The following COP1 variants were observed in gnomAD, a reference collection of about 807,000 sequenced individuals.
The protein encoded by COP1 is COP1 E3 ubiquitin ligase, also known as E3 ubiquitin-protein ligase COP1.
Under a neutral mutation model 101.3 loss-of-function variants are expected in COP1, and 24 were observed. That is an observed-to-expected ratio of 0.24 (90% CI 0.17 to 0.33). COP1 has a LOEUF of 0.33. Among genes scored for constraint, COP1 ranks in the 10% least tolerant of loss-of-function variants. The pLI is 1.00. For synonymous variants in COP1, 347 were observed against 341.9 expected (o/e 1.01, Z -0.17); for missense variants, 663 against 906.2 (o/e 0.73, Z 3.45).
intron 8 of COP1, among the ~76,000 whole-genome samples, chr1:176,130,125 T>C (rs985463989): frequency 1.3e-5 from 2 of 151,696 alleles, no homozygotes; most frequent in African/African-American, 2.4e-5. Flanking sequence ...GGTCTAAGTA[T>C]GTTTCAATAT....
At chr1:176,151,583 T>G (rs1002979035) in intron 5 of COP1, among the ~76,000 whole-genome samples, 7 of 152,134 alleles carry the variant, frequency 4.6e-5, no homozygotes, top group African/African-American at 1.7e-4. Context: ...TTCTTTATTT[T>G]CCTACCCTTC....
At chr1:176,121,728 T>G (rs1687150384) in intron 8 of COP1, among the ~76,000 whole-genome samples, 1 of 152,184 alleles carries the variant, frequency 6.6e-6, no homozygotes, top group South Asian at 2.1e-4. Context: ...ATTGCCTGTT[T>G]AGAAACAGAC....
At position 175,972,745 on chromosome 1, in the gene COP1, T is replaced by C. The variant is rs1453897593; in HGVS notation, c.2133+14198A>G. On this transcript the variant is annotated intron_variant, in intron 18 of 19. Coordinates refer to ENST00000367669, the MANE Select transcript of COP1 (RefSeq NM_022457.7). ...CCTCCCAAAATGCTGAAACTACAGG[T>C]GTAAGCCACTGCTCCCAGCCAAAAA... is the stretch of plus-strand genomic sequence containing the variant. Among the ~76,000 whole-genome samples, 5 of 148,344 alleles carry C rather than the reference T, an allele frequency of 3.4e-5. No homozygotes were observed. The South Asian group carries it at 1.1e-3, about 32-fold the overall frequency.
chr1:176,193,467 A>G (rs1266741104), intron 1 of COP1, among the ~76,000 whole-genome samples: 1 of 152,206 alleles, frequency 6.6e-6, no homozygotes, highest in Non-Finnish European at 1.5e-5. Context: ...CTCATACACA[A>G]ATGTTCACGG....
intron 18 of COP1, among the ~76,000 whole-genome samples, chr1:175,959,559 G>T (rs943094852): frequency 6.6e-6 from 1 of 152,014 alleles, no homozygotes; most frequent in Non-Finnish European, 1.5e-5. Flanking sequence ...AAAATCCAAG[G>T]AACGTAGAAA....
intron 1 of COP1, among the ~76,000 whole-genome samples, chr1:176,190,472 TATC>T (rs1486078646): frequency 6.6e-6 from 1 of 151,522 alleles, no homozygotes; most frequent in Non-Finnish European, 1.5e-5. Context: ...GAAGGACAGA[TATC>T]ATACTGCACA....
At chr1:175,977,028 G>T (rs568542268) in intron 18 of COP1, among the ~76,000 whole-genome samples, 3 of 145,736 alleles carry the variant, frequency 2.1e-5, no homozygotes, top group Non-Finnish European at 4.6e-5. Flanking sequence ...ATTTCACAAA[G>T]ATATGTTTGG....
At chr1:175,964,386 A>G (rs1028649866) in intron 18 of COP1, among the ~76,000 whole-genome samples, 1 of 151,348 alleles carries the variant, frequency 6.6e-6, no homozygotes, top group Non-Finnish European at 1.5e-5. Flanking sequence ...AAACAACTTC[A>G]TGACAAAGGA....
chr1:176,115,807 A>C (rs998705738), intron 9 of COP1, among the ~76,000 whole-genome samples: 3 of 152,146 alleles, frequency 2.0e-5, no homozygotes, highest in African/African-American at 7.2e-5. Flanking sequence ...GGCCTCAAAA[A>C]TAAGCTTGAC....
chr1:176,073,194 A>C (rs1204634820), intron 11 of COP1, among the ~76,000 whole-genome samples: 1 of 152,172 alleles, frequency 6.6e-6, no homozygotes, highest in Non-Finnish European at 1.5e-5. Flanking sequence ...TAGGGAATTG[A>C]TGTAAAATAT....
chr1:176,081,307 A>G lies in COP1; in HGVS notation c.1142-20T>C. On this transcript the variant is annotated intron_variant, in intron 10 of 19. Coordinates refer to ENST00000367669, the MANE Select transcript of COP1 (RefSeq NM_022457.7). ...TGTCATCTATATGAAAAAAAAAAAAAAAAGACAAAACAGATGAATTGAACT... is the reference window on the plus strand; with the variant it reads ...TGTCATCTATATGAAAAAAAAAAAAGAAAGACAAAACAGATGAATTGAACT... 6.4e-7 allele frequency: 1 copy of G among 1,568,424 alleles called. No homozygotes were observed. The highest frequency in any genetic ancestry group is 8.6e-7 in the Non-Finnish European group (1 of 1,162,996).
intron 18 of COP1, among the ~76,000 whole-genome samples, chr1:175,967,920 T>TGCAATGGC (rs1652399963): frequency 6.6e-6 from 1 of 151,994 alleles, no homozygotes; most frequent in Non-Finnish European, 1.5e-5. Context: ...TAGCCTAGAG[T>TGCAATGGC]GCAATGGCAC....
intron 2 of COP1, among the ~76,000 whole-genome samples, chr1:176,182,633 T>C (rs1189903675): frequency 6.6e-6 from 1 of 152,182 alleles, no homozygotes; most frequent in Admixed American, 6.5e-5. Context: ...AGAATAATCA[T>C]AATCCAAAAT....
chr1:175,959,338 A>G (rs549350754), intron 18 of COP1, among the ~76,000 whole-genome samples: 38 of 152,244 alleles, frequency 2.5e-4, no homozygotes, highest in African/African-American at 8.9e-4. Context: ...AAACTCTTAC[A>G]GCAGACATAC....
chr1:176,061,223 G>A (rs1674780842), intron 11 of COP1, among the ~76,000 whole-genome samples: 1 of 152,126 alleles, frequency 6.6e-6, no homozygotes, highest in Admixed American at 6.5e-5. Context: ...CAGTTAAGTA[G>A]ACTCACATAT....
chr1:176,070,648 C>A (rs1676827329), intron 11 of COP1, among the ~76,000 whole-genome samples: 2 of 152,016 alleles, frequency 1.3e-5, no homozygotes, highest in South Asian at 4.1e-4. Context: ...AGCAACAGAG[C>A]AAGACTCCAT....
chr1:176,109,739 G>C (rs1684957239), intron 9 of COP1, among the ~76,000 whole-genome samples: 1 of 152,090 alleles, frequency 6.6e-6, no homozygotes, highest in South Asian at 2.1e-4. Context: ...CATTAAGAAT[G>C]TGATTTTTAT....
intron 8 of COP1, among the ~76,000 whole-genome samples, chr1:176,119,123 A>G (rs903250409): frequency 6.6e-6 from 1 of 152,218 alleles, no homozygotes; most frequent in African/African-American, 2.4e-5. Flanking sequence ...TGCCTTTCCT[A>G]TAGAGTTACA....
chr1:175,950,627 T>C (rs535854435), intron 18 of COP1, among the ~76,000 whole-genome samples: 1 of 152,336 alleles, frequency 6.6e-6, no homozygotes, highest in South Asian at 2.1e-4. Flanking sequence ...AATAAAAGTG[T>C]GAGTCAGTAA....
Sources: allele counts gnomAD v4.1 joint callset (sites outside exome capture counted in the v4.1 genomes callset), GRCh38; gene constraint gnomAD v4.1.1; transcripts MANE v1.5; gene names NCBI Gene and HGNC (gene_info 2026-07-23, HGNC 2026-07-21).